The following ABLIM1 variants were observed in gnomAD, a reference collection of about 807,000 sequenced individuals.
ABLIM1 encodes actin binding LIM protein 1, also known as actin-binding LIM protein 1.
In ABLIM1, 40 loss-of-function variants were observed where a neutral mutation model predicts 107.0. The observed-to-expected ratio is 0.37, with a 90% confidence interval of 0.29 to 0.49. The LOEUF is 0.49. Among genes scored for constraint, ABLIM1 ranks in the 20% least tolerant of loss-of-function variants. The pLI is 0.97. For synonymous variants in ABLIM1, 357 were observed against 357.3 expected, an observed-to-expected ratio of 1.00 and a Z score of 0.01; for missense variants, 857 against 1,008.5, an observed-to-expected ratio of 0.85 and a Z score of 2.04.
At chr10:114,668,036 T>TG (rs34138883) in intron 1 of ABLIM1, among the ~76,000 whole-genome samples, 96 of 146,524 alleles carry the variant, frequency 6.6e-4, no homozygotes, top group Non-Finnish European at 1.1e-3. Context: ...GGGGTGTGGT[T>TG]GGGGGGTCCT....
chr10:114,588,078 C>T (rs959152574), intron 2 of ABLIM1, among the ~76,000 whole-genome samples: 21 of 152,098 alleles, frequency 1.4e-4, no homozygotes, highest in Non-Finnish European at 2.9e-4. Context: ...TTTTTGAGTG[C>T]CTGAGCACTC....
chr10:114,686,252 T>C (rs1396957017), upstream of ABLIM1, among the ~76,000 whole-genome samples: 2 of 152,126 alleles, frequency 1.3e-5, no homozygotes, highest in Non-Finnish European at 2.9e-5. Context: ...CTCATGCCTG[T>C]AATCCCAGCA....
At chr10:114,789,712 A>G in the ABLIM1 span, among the ~76,000 whole-genome samples, 4 of 151,308 alleles carry the variant, frequency 2.6e-5, no homozygotes, top group Non-Finnish European at 5.9e-5. Context: ...TGTTGGCCAC[A>G]TGTATATCTT....
chr10:114,441,157 C>G, intron 18 of ABLIM1, 80 bp from the exon 19 acceptor site: 1 of 1,413,120 alleles, frequency 7.1e-7, no homozygotes, highest in Non-Finnish European at 9.6e-7. Context: ...AAAGAGTTTA[C>G]AAAATCCTAG....
At chr10:114,449,726 T>C (rs1428281248) in intron 14 of ABLIM1, among the ~76,000 whole-genome samples, 2 of 152,204 alleles carry the variant, frequency 1.3e-5, no homozygotes, top group Non-Finnish European at 2.9e-5. Context: ...TAAGAAGTTC[T>C]CAGAAGTTCT....
chr10:114,780,314 A>G, the ABLIM1 span, among the ~76,000 whole-genome samples: 1 of 152,222 alleles, frequency 6.6e-6, no homozygotes, highest in African/African-American at 2.4e-5. Flanking sequence ...ACAAAATTAC[A>G]ACCCATTTAG....
intron 6 of ABLIM1, among the ~76,000 whole-genome samples, chr10:114,544,073 G>A (rs1468389829): frequency 6.6e-6 from 1 of 152,184 alleles, no homozygotes; most frequent in Non-Finnish European, 1.5e-5. Flanking sequence ...TGGCGGGGAG[G>A]GGGGCCTCAG....
At chr10:114,507,860 T>G (rs889887861) in intron 6 of ABLIM1, among the ~76,000 whole-genome samples, 1 of 152,210 alleles carries the variant, frequency 6.6e-6, no homozygotes, top group Non-Finnish European at 1.5e-5. Context: ...AAAGTCTGTG[T>G]TGTCCCTCAA....
At chr10:114,549,276 C>T (rs573067880) in intron 4 of ABLIM1, among the ~76,000 whole-genome samples, 1 of 152,090 alleles carries the variant, frequency 6.6e-6, no homozygotes, top group Non-Finnish European at 1.5e-5. Flanking sequence ...CCCAGCTACT[C>T]AGGAGGCTGA....
At chr10:114,474,618 G>C (rs2067241593) in intron 8 of ABLIM1, among the ~76,000 whole-genome samples, 1 of 152,120 alleles carries the variant, frequency 6.6e-6, no homozygotes, top group Non-Finnish European at 1.5e-5. Flanking sequence ...CTGACCTCGT[G>C]ATCTGCCCGC....
intron 1 of ABLIM1, among the ~76,000 whole-genome samples, chr10:114,670,387 A>T (rs2080198360): frequency 6.6e-6 from 1 of 152,248 alleles, no homozygotes; most frequent in African/African-American, 2.4e-5. Flanking sequence ...TGATATGGAA[A>T]TAAGATACAT....
intron 6 of ABLIM1, among the ~76,000 whole-genome samples, chr10:114,529,040 T>C (rs980057935): frequency 1.3e-5 from 2 of 151,932 alleles, no homozygotes; most frequent in African/African-American, 2.4e-5. Flanking sequence ...AAAGGTAAAA[T>C]GGGACACTTA....
intron 6 of ABLIM1, among the ~76,000 whole-genome samples, chr10:114,511,224 T>G (rs2061817563): frequency 6.6e-6 from 1 of 152,072 alleles, no homozygotes; most frequent in African/African-American, 2.4e-5. Flanking sequence ...AATGTAAGTT[T>G]ATCACTGAGG....
At position 114,489,074 on chromosome 10, in the gene ABLIM1, G is replaced by A. The variant is rs1490625131; in HGVS notation, c.983-1058C>T. Among the ~76,000 whole-genome samples, 3 of 151,822 alleles carry A rather than the reference G, an allele frequency of 2.0e-5. No homozygotes were observed. In the East Asian group the frequency reaches 5.8e-4, roughly 30 times the overall value. On this transcript the variant is annotated intron_variant, in intron 7 of 22. Coordinates refer to ENST00000533213, the MANE Select transcript of ABLIM1 (RefSeq NM_002313.7). The stretch of plus-strand genomic sequence containing the variant: ...CTCTGTCTCCCAGGCTGGAGTGCAA[G>A]TGGCACAATCTCAGCTTGCTGCAAC...
At chr10:114,601,636 C>G in intron 2 of ABLIM1, 191 bp downstream of exon 2, 1 of 891,780 alleles carries the variant, frequency 1.1e-6, no homozygotes. Flanking sequence ...CCACGAATCA[C>G]TGGTTTTAGC....
intron 6 of ABLIM1, among the ~76,000 whole-genome samples, chr10:114,535,455 C>T (rs1159890820): frequency 6.6e-6 from 1 of 152,108 alleles, no homozygotes; most frequent in African/African-American, 2.4e-5. Context: ...GGATTACAGA[C>T]TTAAGCCACC....
chr10:114,571,262 A>G, intron 4 of ABLIM1, 35 bp downstream of exon 4: 2 of 1,588,688 alleles, frequency 1.3e-6, no homozygotes, highest in Non-Finnish European at 8.6e-7. Flanking sequence ...TGGACTACAT[A>G]GGTATTCACG....
intron 1 of ABLIM1, among the ~76,000 whole-genome samples, chr10:114,682,046 T>C (rs2080772329): frequency 6.6e-6 from 1 of 152,248 alleles, no homozygotes; most frequent in Admixed American, 6.5e-5. Context: ...TGAATGACAT[T>C]TAGTGATAAG....
chr10:114,743,136 A>G (rs2082320021), intron 1 of ABLIM1, among the ~76,000 whole-genome samples: 4 of 152,198 alleles, frequency 2.6e-5, no homozygotes, highest in Admixed American at 2.6e-4. Flanking sequence ...TAGCATTAAT[A>G]CGGTTAAAGC....
Sources: gnomAD v4.1 joint callset for allele counts (sites outside exome capture counted in the v4.1 genomes callset) on GRCh38, gnomAD v4.1.1 for gene constraint, MANE v1.5 for transcripts, NCBI Gene and HGNC (gene_info 2026-07-23, HGNC 2026-07-21) for gene names.